LARGE1: variants seen among roughly 807,000 people sequenced by gnomAD.
The protein encoded by LARGE1 is xylosyl- and glucuronyltransferase LARGE1.
Under a neutral mutation model 87.6 loss-of-function variants are expected in LARGE1, and 43 were observed. The observed-to-expected ratio is 0.49, with a 90% confidence interval of 0.38 to 0.63. LARGE1 has a LOEUF of 0.63. Among genes scored for constraint, LARGE1 ranks in the 30% least tolerant of loss-of-function variants. LARGE1 has a pLI of 0.00. For missense variants in LARGE1, 802 were observed against 1,000.2 expected, an observed-to-expected ratio of 0.80 and a Z score of 2.67; for synonymous variants, 434 against 394.6, an observed-to-expected ratio of 1.10 and a Z score of -1.18.
chr22:33,877,740 T>G (rs974425625), intron 1 of LARGE1, among the ~76,000 whole-genome samples: 24 of 152,060 alleles, frequency 1.6e-4, no homozygotes, highest in Non-Finnish European at 2.6e-4. Context: ...CTGGCCAACA[T>G]GGTGAAACCG....
chr22:33,368,482 T>A (rs148560316), intron 9 of LARGE1, among the ~76,000 whole-genome samples: 1,717 of 139,908 alleles, frequency 0.012, 20 homozygotes, highest in African/African-American at 0.036. Context: ...TGCAGTGAGC[T>A]GAGATCATGC....
chr22:33,716,374 A>G (rs1399035026), intron 2 of LARGE1, among the ~76,000 whole-genome samples: 2 of 152,132 alleles, frequency 1.3e-5, no homozygotes, highest in Non-Finnish European at 2.9e-5. Context: ...TTGTTCAGAA[A>G]TTTTTTTGTT....
chr22:33,367,105 G>A (rs1435346867), intron 9 of LARGE1, among the ~76,000 whole-genome samples: 1 of 150,256 alleles, frequency 6.7e-6, no homozygotes, highest in East Asian at 1.9e-4. Flanking sequence ...TTCACATAAT[G>A]TTGTTCACAG....
intron 12 of LARGE1, among the ~76,000 whole-genome samples, chr22:33,286,969 A>T (rs776708842): frequency 6.6e-5 from 10 of 151,986 alleles, no homozygotes; most frequent in Non-Finnish European, 1.5e-4. Context: ...TTAGGATTAG[A>T]CACTTGACCC....
At chr22:33,838,255 C>T (rs1027705612) in intron 1 of LARGE1, among the ~76,000 whole-genome samples, 1 of 152,204 alleles carries the variant, frequency 6.6e-6, no homozygotes, top group Non-Finnish European at 1.5e-5. Flanking sequence ...CTTCAAGCTT[C>T]TGACATTCTA....
At chr22:33,343,887 C>G (rs1003782169) in intron 9 of LARGE1, among the ~76,000 whole-genome samples, 1 of 152,100 alleles carries the variant, frequency 6.6e-6, no homozygotes. Flanking sequence ...TTAACTTACA[C>G]GATCACAAGG....
At chr22:33,176,387 A>T (rs1922871449) in intron 11 of LARGE1, among the ~76,000 whole-genome samples, 1 of 152,092 alleles carries the variant, frequency 6.6e-6, no homozygotes, top group Non-Finnish European at 1.5e-5. Context: ...ATGGGAGAAA[A>T]TTTTTGCACT....
chr22:33,609,441 A>G (rs1014213112), intron 4 of LARGE1, among the ~76,000 whole-genome samples: 11 of 152,228 alleles, frequency 7.2e-5, no homozygotes, highest in African/African-American at 2.4e-4. Context: ...GGTGAGGGTG[A>G]AAGAGATGAC....
At chr22:33,535,136 G>T (rs570098220) in intron 6 of LARGE1, among the ~76,000 whole-genome samples, 1 of 152,334 alleles carries the variant, frequency 6.6e-6, no homozygotes, top group African/African-American at 2.4e-5. Flanking sequence ...CCCCGTCAGG[G>T]CGTACGCCTT....
At chr22:33,292,166 C>T (rs565006393) in intron 12 of LARGE1, among the ~76,000 whole-genome samples, 2 of 152,108 alleles carry the variant, frequency 1.3e-5, no homozygotes, top group Non-Finnish European at 2.9e-5. Context: ...CCCTCCCAGA[C>T]AACGAATCTG....
chr22:33,761,371 C>A lies in LARGE1; in HGVS notation c.106G>T (p.Asp36Tyr). ...CTCTCACTTTGGCTTCCATTCTTAC[C>A]TTCGAAGCTCCCAGAAAACAGGTAA... ...WIYLFSGSFEDGKPVSLSPLE... is the reference protein window; with the variant it reads ...WIYLFSGSFEYGKPVSLSPLE... The change falls in exon 2 of 15, where the codon GAT becomes TAT. Residue 36 changes from aspartate to tyrosine, a missense_variant and splice_region_variant. By Grantham distance (160) the Asp-to-Tyr change is radical. This residue lies in a region of LARGE1 where 177 missense variants were observed against 158.3 expected (regional missense o/e 1.12). Coordinates refer to ENST00000397394, the MANE Select transcript of LARGE1 (RefSeq NM_133642.5). 6.2e-7 allele frequency: 1 copy of A among 1,612,218 alleles called. No homozygotes were observed.
chr22:33,915,943 C>T (rs932013040), intron 1 of LARGE1, among the ~76,000 whole-genome samples: 1 of 152,168 alleles, frequency 6.6e-6, no homozygotes, highest in Non-Finnish European at 1.5e-5. Flanking sequence ...AGTTCAAACT[C>T]ATCCCTTGAA....
chr22:33,357,409 A>G (rs1333483169), intron 9 of LARGE1, among the ~76,000 whole-genome samples: 1 of 152,192 alleles, frequency 6.6e-6, no homozygotes, highest in African/African-American at 2.4e-5. Flanking sequence ...TACAATGTAC[A>G]TTATTTTGGG....
At chr22:33,866,021 G>A (rs748197882) in intron 1 of LARGE1, among the ~76,000 whole-genome samples, 2 of 151,224 alleles carry the variant, frequency 1.3e-5, no homozygotes, top group Non-Finnish European at 2.9e-5. Flanking sequence ...GCTAATTTTT[G>A]TAATTTTAGT....
intron 11 of LARGE1, among the ~76,000 whole-genome samples, chr22:33,258,221 G>C (rs1927424053): frequency 6.6e-6 from 1 of 152,096 alleles, no homozygotes; most frequent in Non-Finnish European, 1.5e-5. Context: ...TAGTAGAGAT[G>C]GGGTTTCACC....
chr22:33,395,469 T>C (rs1367727926), intron 7 of LARGE1, among the ~76,000 whole-genome samples: 1 of 152,210 alleles, frequency 6.6e-6, no homozygotes, highest in African/African-American at 2.4e-5. Flanking sequence ...AGTAACTTCA[T>C]AGCATGTAGA....
At chr22:33,578,689 C>T (rs2078424503) in intron 5 of LARGE1, among the ~76,000 whole-genome samples, 1 of 152,114 alleles carries the variant, frequency 6.6e-6, no homozygotes, top group East Asian at 1.9e-4. Context: ...TCAGATTTGC[C>T]TCTTTCCAAA....
At position 33,381,994 on chromosome 22, in the gene LARGE1, G is replaced by A; in HGVS notation, c.1056C>T (p.Leu352=). 1 of 1,614,170 alleles carries A rather than the reference G, an allele frequency of 6.2e-7. No homozygotes were observed. ...IKQNPFLVYQ[L]PCFWNVQLSD... is the part of the protein sequence containing the mutation. Reference sequence around the variant, plus strand: ...ACAGCTGCACATTCCAGAAGCAGGGGAGCTGGTACACAAGGAAGGGGTTTT... The same window carrying A: ...ACAGCTGCACATTCCAGAAGCAGGGAAGCTGGTACACAAGGAAGGGGTTTT... Residue 352 remains leucine (L), a synonymous_variant, in exon 9 of 15, where the codon CTC becomes CTT. Transcript: ENST00000397394.
intron 2 of LARGE1, chr22:33,725,130 G>C (rs1414140015): frequency 6.5e-6 from 1 of 153,586 alleles, no homozygotes; most frequent in Non-Finnish European, 1.4e-5. Context: ...AAGGGTGGGG[G>C]CCGCGGGAGG....
Sources: allele counts gnomAD v4.1 joint callset (sites outside exome capture counted in the v4.1 genomes callset), GRCh38; gene constraint gnomAD v4.1.1; regional missense constraint gnomAD v4.1.1; transcripts MANE v1.5; gene names NCBI Gene and HGNC (gene_info 2026-07-23, HGNC 2026-07-21).